Variants in TDG observed in about 807,000 individuals in gnomAD.
The protein encoded by TDG is G/T mismatch-specific thymine DNA glycosylase.
Under a neutral mutation model 46.1 loss-of-function variants are expected in TDG, and 23 were observed. The ratio of observed to expected loss-of-function variants is 0.50; its 90% CI spans 0.36 to 0.71. TDG has a LOEUF of 0.71. Among genes scored for constraint, TDG ranks in the 30% least tolerant of loss-of-function variants. The pLI is 0.00. For missense variants in TDG, 304 were observed against 486.7 expected (o/e 0.62, Z 3.53); for synonymous variants, 115 against 161.3 (o/e 0.71, Z 2.18).
intron 2 of TDG, among the ~76,000 whole-genome samples, chr12:103,978,537 C>T (rs1219337913): frequency 6.6e-6 from 1 of 152,182 alleles, no homozygotes; most frequent in African/African-American, 2.4e-5. Flanking sequence ...GATGGTGGAT[C>T]TGTTGGCATA....
Position 103,984,869 on chromosome 12 carries a change from A to C in TDG, c.913A>C (p.Asn305His). ...LRDQLKGIER[N>H]MDVQEVQYTF... ...AGATCAGTTGAAAGGCATTGAACGA[A>C]ATATGGACGTTCAAGAGGTGCAATA... Residue 305 changes from asparagine (N) to histidine (H), a missense_variant, in exon 8 of 10, where the codon AAT (asparagine) becomes CAT (histidine). By Grantham distance (68) the Asn-to-His change is moderately conservative. Transcript: ENST00000392872. 6.2e-7 allele frequency: 1 copy of C among 1,613,566 alleles called. No individual in the cohort carries two copies. Among genetic ancestry groups the C allele is most frequent in the East Asian group, 2.2e-5 (1 of 44,886 alleles).
At position 103,984,859 on chromosome 12, in the gene TDG, C is replaced by T. The variant is rs760217880; in HGVS notation, c.903C>T (p.Gly301=). Residue 301 remains glycine, a synonymous_variant, in exon 8 of 10, where the codon GGC becomes GGT. Coordinates refer to ENST00000392872, the MANE Select transcript of TDG (RefSeq NM_003211.6). ...KLKDLRDQLK[G]IERNMDVQEV... ...AGGACTTAAGAGATCAGTTGAAAGG[C>T]ATTGAACGAAATATGGACGTTCAAG... 2 of 1,613,612 alleles carry T rather than the reference C, an allele frequency of 1.2e-6. No homozygotes were observed. Among genetic ancestry groups the T allele is most frequent in the Non-Finnish European group, 1.7e-6 (2 of 1,179,568 alleles).
chr12:103,969,367 A>G (rs1871193834), intron 1 of TDG, among the ~76,000 whole-genome samples: 1 of 152,246 alleles, frequency 6.6e-6, no homozygotes, highest in African/African-American at 2.4e-5. Flanking sequence ...ATGGAGATGG[A>G]CTGATGGCAA....
chr12:103,984,690 A>C, intron 7 of TDG, 59 bp from the exon 8 acceptor site: 1 of 1,305,056 alleles, frequency 7.7e-7, no homozygotes, highest in East Asian at 2.7e-5. Flanking sequence ...TTCTAATCTC[A>C]ATGAGTGAAT....
intron 3 of TDG, 134 bp from the exon 4 acceptor site, chr12:103,980,759 A>T: frequency 1.5e-6 from 1 of 675,870 alleles, no homozygotes; most frequent in East Asian, 2.6e-5. Flanking sequence ...AGTAATTGAT[A>T]AATGATATTG....
In TDG at chr12:103,980,877, T is replaced by C. The variant is rs1871787488; in HGVS notation, c.409-16T>C. 1 of 1,611,600 alleles carries C rather than the reference T, an allele frequency of 6.2e-7. No individual in the cohort carries two copies. The highest frequency in any genetic ancestry group is 8.5e-7 in the Non-Finnish European group (1 of 1,179,180). ...CTGCTTTTTAAGATGAAATGTCTAA[T>C]TGTTTTGTTTTATAGATTGGCATAA... On this transcript the variant is annotated splice_polypyrimidine_tract_variant and intron_variant, in intron 3 of 9. Transcript: ENST00000392872.
intron 1 of TDG, among the ~76,000 whole-genome samples, chr12:103,972,153 C>G (rs913051607): frequency 6.6e-6 from 1 of 152,082 alleles, no homozygotes; most frequent in Non-Finnish European, 1.5e-5. Flanking sequence ...GAGTCTTGCT[C>G]TGTCGCCCAG....
intron 1 of TDG, among the ~76,000 whole-genome samples, chr12:103,975,199 ATTTTTTTTAATTGTTTTC>A (rs1394166443): frequency 1.3e-5 from 2 of 151,986 alleles, no homozygotes; most frequent in African/African-American, 2.4e-5. Context: ...CATGAGAAGT[ATTTTTTTTAATTGTTTTC>A]TTTGAAAGCC....
At chr12:103,974,666 C>T (rs1048571310) in intron 1 of TDG, among the ~76,000 whole-genome samples, 4 of 152,082 alleles carry the variant, frequency 2.6e-5, no homozygotes, top group African/African-American at 9.7e-5. Context: ...AGTATAGTAT[C>T]TTGCAGTAGA....
intron 1 of TDG, among the ~76,000 whole-genome samples, chr12:103,971,095 A>G (rs1032933911): frequency 3.9e-5 from 6 of 152,212 alleles, no homozygotes; most frequent in African/African-American, 1.2e-4. Context: ...TACAAATACT[A>G]TGCCATTTTA....
intron 7 of TDG, among the ~76,000 whole-genome samples, chr12:103,984,281 C>G (rs772809226): frequency 5.1e-4 from 77 of 152,180 alleles, no homozygotes; most frequent in Non-Finnish European, 8.7e-4. Context: ...CTGTAGAGTA[C>G]TGTGTCATTC....
rs532088009 is a variant in TDG, at chr12:103,966,142, G to A, written c.23+82G>A. On this transcript the variant is annotated intron_variant, in intron 1 of 9. Transcript: ENST00000392872. ...GCTGGCGCGCGCGCGCGCACGCAGG[G>A]GTCTTTTAAATCCCGGCCGGAATAC... 4.3e-6 allele frequency: 6 copies of A among 1,406,518 alleles called. No individual in the cohort carries two copies. The African/African-American group carries it at 4.5e-5, about 11-fold the overall frequency. 87.1% of individuals were successfully genotyped at this position (1,406,518 alleles called of 1,614,324 possible).
chr12:103,976,267 T>C (rs926143954), intron 1 of TDG, among the ~76,000 whole-genome samples: 1 of 151,926 alleles, frequency 6.6e-6, no homozygotes, highest in African/African-American at 2.4e-5. Flanking sequence ...TAGCCAGGCA[T>C]TGGGGCTCGC....
intron 1 of TDG, among the ~76,000 whole-genome samples, chr12:103,975,412 A>G (rs1441400404): frequency 6.6e-6 from 1 of 152,200 alleles, no homozygotes; most frequent in African/African-American, 2.4e-5. Context: ...GGCAATTAAT[A>G]AACAGTAGAG....
At chr12:103,970,748 T>TA (rs35491659) in intron 1 of TDG, among the ~76,000 whole-genome samples, 1 of 150,460 alleles carries the variant, frequency 6.6e-6, no homozygotes, top group Non-Finnish European at 1.5e-5. Context: ...CCCCATCTCT[T>TA]AAAAAAAAAA....
intron 1 of TDG, among the ~76,000 whole-genome samples, chr12:103,972,013 T>C (rs1871305188): frequency 6.6e-6 from 1 of 152,222 alleles, no homozygotes; most frequent in Non-Finnish European, 1.5e-5. Flanking sequence ...CAACGATCAT[T>C]ATGCATACAC....
rs1871578876 is a variant in TDG at position 103,977,071 on chromosome 12, C to T, written c.166+11C>T. On this transcript the variant is annotated intron_variant, in intron 2 of 9. Transcript: ENST00000392872. The stretch of plus-strand genomic sequence containing the variant: ...AGGAACCAGTGCAAGGTAGTTTCAC[C>T]ATGAGAGCTTAGAAAGTTCAACATC... 1.9e-6 allele frequency: 3 copies of T among 1,597,696 alleles called. No individual in the cohort carries two copies. The East Asian group carries it at 6.7e-5, about 36-fold the overall frequency.
At chr12:103,968,725 C>G (rs1300226514) in intron 1 of TDG, among the ~76,000 whole-genome samples, 1 of 152,214 alleles carries the variant, frequency 6.6e-6, no homozygotes, top group Non-Finnish European at 1.5e-5. Context: ...TGTAAGGGAC[C>G]TGGAAATAAA....
intron 2 of TDG, among the ~76,000 whole-genome samples, chr12:103,978,323 TGGA>T (rs1327810958): frequency 1.3e-5 from 2 of 151,920 alleles, no homozygotes; most frequent in East Asian, 3.9e-4. Flanking sequence ...GGCATTTGGT[TGGA>T]GGAGGTGCCA....
Sources: allele counts gnomAD v4.1 joint callset (sites outside exome capture counted in the v4.1 genomes callset), GRCh38; gene constraint gnomAD v4.1.1; transcripts MANE v1.5; gene names NCBI Gene and HGNC (gene_info 2026-07-23, HGNC 2026-07-21).